PTPRB: variants seen among roughly 807,000 people sequenced by gnomAD.
The protein encoded by PTPRB is protein tyrosine phosphatase receptor type B.
Under a neutral mutation model 238.1 loss-of-function variants are expected in PTPRB, and 97 were observed. That is an observed-to-expected ratio of 0.41 (90% CI 0.35 to 0.48). The LOEUF (loss-of-function observed/expected upper bound fraction) is 0.48. PTPRB is among the 20% of genes least tolerant of loss of function. The pLI, the probability that PTPRB is intolerant of heterozygous loss-of-function variation, is 0.30. For synonymous variants in PTPRB, 970 were observed against 995.4 expected, an observed-to-expected ratio of 0.97 and a Z score of 0.48; for missense variants, 2,292 against 2,681.9, an observed-to-expected ratio of 0.85 and a Z score of 3.21.
rs1454464556 is a variant in PTPRB, at chr12:70,635,955, T to C, written c.167A>G (p.Glu56Gly). The stretch of plus-strand genomic sequence containing the variant: ...TTTAACATGAAGGAGCTTTTCATCC[T>C]CAGTCCACATCCACTGCTGGTTCTG... Reference protein sequence around the residue: ...TIQNQQWMWTEDEKLLHVKSA... With the variant: ...TIQNQQWMWTGDEKLLHVKSA... Residue 56 changes from glutamate to glycine, a missense_variant, in exon 2 of 34, where the codon GAG becomes GGG. Physicochemically the swap from Glu to Gly is moderately conservative, Grantham distance 98. Transcript: ENST00000334414. 6.2e-7 allele frequency: 1 copy of C among 1,613,464 alleles called. No individual in the cohort carries two copies. Among genetic ancestry groups the C allele is most frequent in the African/African-American group, 1.3e-5 (1 of 74,912 alleles).
chr12:70,556,894 A>G (rs1388778158), intron 18 of PTPRB, among the ~76,000 whole-genome samples: 1 of 152,236 alleles, frequency 6.6e-6, no homozygotes, highest in Admixed American at 6.5e-5. Context: ...AGTACCTACT[A>G]TGTGCCAGGT....
intron 8 of PTPRB, among the ~76,000 whole-genome samples, chr12:70,588,679 G>A (rs555295794): frequency 8.5e-5 from 13 of 152,190 alleles, no homozygotes; most frequent in African/African-American, 2.4e-4. Context: ...TTGGCCTGGC[G>A]CCGTGGCTTG....
intron 3 of PTPRB, chr12:70,609,614 C>T (rs2136543500): frequency 2.2e-6 from 2 of 914,866 alleles, no homozygotes; most frequent in Non-Finnish European, 3.4e-6. Context: ...GGGGGCTCAC[C>T]AGAGGATCAT....
chr12:70,545,371 A>G (rs1226594495), intron 21 of PTPRB, among the ~76,000 whole-genome samples: 1 of 152,154 alleles, frequency 6.6e-6, no homozygotes, highest in Non-Finnish European at 1.5e-5. Context: ...TTTTGGCACT[A>G]TTTTCTAAAG....
chr12:70,567,430 A>T (rs1249931003), intron 14 of PTPRB, among the ~76,000 whole-genome samples: 1 of 152,102 alleles, frequency 6.6e-6, no homozygotes, highest in East Asian at 1.9e-4. Flanking sequence ...CTCCCCCAAT[A>T]TTCTCATTGT....
At chr12:70,564,499 A>G (rs2717441) in intron 15 of PTPRB, among the ~76,000 whole-genome samples, 67,663 of 145,926 alleles carry the variant, frequency 0.46, 15,617 homozygotes, top group East Asian at 0.53. Flanking sequence ...AGCTTGGGCA[A>G]CAGAGGGAGA....
intron 3 of PTPRB, among the ~76,000 whole-genome samples, chr12:70,610,206 C>A (rs1428482654): frequency 1.3e-5 from 2 of 152,204 alleles, no homozygotes; most frequent in Non-Finnish European, 2.9e-5. Flanking sequence ...CCAAGGGGCC[C>A]GATGTGGGCC....
intron 3 of PTPRB, among the ~76,000 whole-genome samples, chr12:70,619,925 T>C (rs995277318): frequency 6.6e-6 from 1 of 152,230 alleles, no homozygotes; most frequent in South Asian, 2.1e-4. Flanking sequence ...CTTTTCAAAG[T>C]ATCTAACCAC....
At chr12:70,557,650 C>G (rs1023395857) in intron 18 of PTPRB, among the ~76,000 whole-genome samples, 8 of 152,210 alleles carry the variant, frequency 5.3e-5, no homozygotes, top group African/African-American at 1.7e-4. Flanking sequence ...TGTGCATAGT[C>G]TATCAACCCC....
At chr12:70,626,033 C>G (rs1421989192) in intron 2 of PTPRB, among the ~76,000 whole-genome samples, 3 of 151,992 alleles carry the variant, frequency 2.0e-5, no homozygotes, top group Non-Finnish European at 4.4e-5. Flanking sequence ...GAAATAATAA[C>G]AGAAATAAAA....
intron 4 of PTPRB, 47 bp downstream of exon 4, chr12:70,609,022 C>T (rs1884198403): frequency 6.3e-7 from 1 of 1,599,748 alleles, no homozygotes; most frequent in Non-Finnish European, 8.5e-7. Context: ...AAGGCAGGGC[C>T]CAACCCCGTG....
intron 21 of PTPRB, among the ~76,000 whole-genome samples, chr12:70,551,820 G>A (rs1184736804): frequency 6.6e-6 from 1 of 152,020 alleles, no homozygotes; most frequent in Non-Finnish European, 1.5e-5. Flanking sequence ...ACTTCTGCTT[G>A]TACCTGCTTT....
rs117945041 is a variant in PTPRB, at chr12:70,571,066, G to A, written c.3330C>T (p.Ser1110=). The change falls in exon 13 of 34, where the codon AGC becomes AGT. Residue 1110 remains serine, a synonymous_variant. Coordinates refer to ENST00000334414, the MANE Select transcript of PTPRB (RefSeq NM_001109754.4). ...RQYKILVLTI[S]GDVQQSAFIE... ...TGAAGGCTGACTGCTGTACATCCCC[G>A]CTAATCGTCAAGACAAGAATTTTGT... 3.1e-4 allele frequency: 499 copies of A among 1,613,916 alleles called. No individual in the cohort carries two copies. The East Asian group carries it at 8.7e-3, about 28-fold the overall frequency.
At chr12:70,595,894 G>C (rs972352698) in intron 5 of PTPRB, among the ~76,000 whole-genome samples, 155 bp downstream of exon 5, 1 of 152,100 alleles carries the variant, frequency 6.6e-6, no homozygotes, top group Non-Finnish European at 1.5e-5. Context: ...AGTCCAGTCT[G>C]TCCACTGTAT....
rs762534729 is a variant in PTPRB, at chr12:70,569,902, T to C, written c.3407A>G (p.Asn1136Ser). The C allele has an allele frequency of 5.8e-5, 94 of 1,611,890 alleles. No homozygotes were observed. Among genetic ancestry groups the C allele is most frequent in the Non-Finnish European group, 7.8e-5 (92 of 1,178,164 alleles). Residue 1136 changes from asparagine (N) to serine (S), a missense_variant, in exon 14 of 34, where the codon AAT becomes AGT. Physicochemically the swap from Asn to Ser is conservative, Grantham distance 46 (BLOSUM62 1). Around this residue, in one of 4 missense-constraint regions of PTPRB, gnomAD observed 683 missense variants for 862.0 expected, o/e 0.79. Coordinates refer to ENST00000334414, the MANE Select transcript of PTPRB (RefSeq NM_001109754.4). ...CACCGTCAGGCTATCTGTTGCTCCA[T>C]TGGGAGAAATGTGAATATTTTTGAC... ...SAVKNIHISP[N>S]GATDSLTVNW...
chr12:70,581,879 A>G (rs963026050), intron 9 of PTPRB, among the ~76,000 whole-genome samples: 2 of 151,890 alleles, frequency 1.3e-5, no homozygotes, highest in Non-Finnish European at 1.5e-5. Context: ...TGTGCCAGTT[A>G]TGAGCTATAT....
chr12:70,540,777 C>CTTAG, intron 23 of PTPRB, 81 bp downstream of exon 23: 1 of 996,676 alleles, frequency 1.0e-6, no homozygotes, highest in Non-Finnish European at 1.5e-6. Context: ...ATTTTCCCTT[C>CTTAG]TTAGTTTTCA....
chr12:70,611,821 G>A (rs1194320299), intron 3 of PTPRB, among the ~76,000 whole-genome samples: 2 of 152,068 alleles, frequency 1.3e-5, no homozygotes, highest in African/African-American at 4.8e-5. Flanking sequence ...CACCTGAAGA[G>A]TAAAGAACTT....
chr12:70,528,351 C>T (rs905912309), intron 32 of PTPRB, among the ~76,000 whole-genome samples: 9 of 152,020 alleles, frequency 5.9e-5, no homozygotes, highest in Non-Finnish European at 1.3e-4. Context: ...GAGCTTTTCA[C>T]GATTTTTTTG....
Sources: allele counts gnomAD v4.1 joint callset (sites outside exome capture counted in the v4.1 genomes callset), GRCh38; gene constraint gnomAD v4.1.1; regional missense constraint gnomAD v4.1.1; transcripts MANE v1.5; gene names NCBI Gene and HGNC (gene_info 2026-07-23, HGNC 2026-07-21).